SYNDIG1: variants seen among roughly 807,000 people sequenced by gnomAD.
SYNDIG1 encodes the protein synapse differentiation-inducing gene protein 1.
Under a neutral mutation model 19.4 loss-of-function variants are expected in SYNDIG1, and 9 were observed. The observed-to-expected ratio is 0.46, with a 90% confidence interval of 0.28 to 0.81. The LOEUF is 0.81. SYNDIG1 is among the 30% of genes least tolerant of loss of function. The pLI is 0.12. For missense variants in SYNDIG1, 311 were observed against 343.3 expected (o/e 0.91, Z 0.74); for synonymous variants, 141 against 145.9 (o/e 0.97, Z 0.24).
chr20:24,661,989 G>T (rs2059609019), intron 3 of SYNDIG1, among the ~76,000 whole-genome samples: 1 of 152,024 alleles, frequency 6.6e-6, no homozygotes, highest in African/African-American at 2.4e-5. Flanking sequence ...TCCACAAACT[G>T]GTCATTTCTC....
chr20:24,489,432 G>T (rs1600412667), intron 1 of SYNDIG1, among the ~76,000 whole-genome samples: 1 of 150,846 alleles, frequency 6.6e-6, no homozygotes, highest in Non-Finnish European at 1.5e-5. Flanking sequence ...CAGACACATA[G>T]ATACATGCAC....
intron 1 of SYNDIG1, among the ~76,000 whole-genome samples, chr20:24,521,088 G>A (rs1019379477): frequency 9.9e-5 from 15 of 152,160 alleles, no homozygotes; most frequent in African/African-American, 2.9e-4. Context: ...TGTGACTGGC[G>A]TATTTCACTT....
chr20:24,472,907 T>C (rs561180911), intron 1 of SYNDIG1, among the ~76,000 whole-genome samples: 17 of 152,364 alleles, frequency 1.1e-4, no homozygotes, highest in Admixed American at 3.9e-4. Flanking sequence ...AGTTAACCTT[T>C]TGTAAGATGA....
intron 3 of SYNDIG1, among the ~76,000 whole-genome samples, chr20:24,610,388 C>A (rs538751336): frequency 6.6e-6 from 1 of 152,288 alleles, no homozygotes; most frequent in African/African-American, 2.4e-5. Flanking sequence ...TGTGTCCACG[C>A]AACGATTCCG....
chr20:24,578,171 G>T (rs573441831), intron 2 of SYNDIG1, among the ~76,000 whole-genome samples: 2 of 152,228 alleles, frequency 1.3e-5, no homozygotes, highest in African/African-American at 4.8e-5. Context: ...GGATGGGCAT[G>T]ATGGCTCACG....
intron 2 of SYNDIG1, among the ~76,000 whole-genome samples, chr20:24,544,164 AC>A (rs1238650986): frequency 1.3e-5 from 2 of 152,234 alleles, no homozygotes; most frequent in African/African-American, 4.8e-5. Flanking sequence ...CATTTGAATT[AC>A]ATGCACAGAG....
At position 24,491,066 on chromosome 20, in the gene SYNDIG1, G is replaced by T. The variant is rs145082589; in HGVS notation, c.-79+21313G>T. ...GGTCGGCCTTTGAGGTCCAGGGTCAGGAAAGGACAGGCGCCATGGCGTGCA... is the reference window on the plus strand; with the variant it reads ...GGTCGGCCTTTGAGGTCCAGGGTCATGAAAGGACAGGCGCCATGGCGTGCA... On this transcript the variant is annotated intron_variant, in intron 1 of 3. Coordinates refer to ENST00000376862, the MANE Select transcript of SYNDIG1 (RefSeq NM_024893.3). 9.0e-3 allele frequency among the ~76,000 whole-genome samples: 1,369 copies of T among 152,316 alleles called. 19 individuals are homozygous for T. The highest frequency in any genetic ancestry group is 0.029 in the African/African-American group (1,216 of 41,550).
chr20:24,663,093 T>C (rs2059617928), intron 3 of SYNDIG1, among the ~76,000 whole-genome samples: 2 of 152,154 alleles, frequency 1.3e-5, no homozygotes, highest in Admixed American at 6.5e-5. Flanking sequence ...TTAGACCACG[T>C]TGTGTGTTTT....
At chr20:24,529,894 G>GGTGTCAGTGGTGGGGAT in intron 1 of SYNDIG1, among the ~76,000 whole-genome samples, 1 of 3,566 alleles carries the variant, frequency 2.8e-4, no homozygotes, top group South Asian at 7.8e-3. Context: ...ATGGTGGTGA[G>GGTGTCAGTGGTGGGGAT]GGTGATGGTA....
At chr20:24,518,520 T>G (rs766455659) in intron 1 of SYNDIG1, among the ~76,000 whole-genome samples, 2 of 152,214 alleles carry the variant, frequency 1.3e-5, no homozygotes, top group Non-Finnish European at 2.9e-5. Context: ...CCAGCAGGGC[T>G]AAATTGCACT....
intron 1 of SYNDIG1, among the ~76,000 whole-genome samples, chr20:24,484,383 G>C (rs1331533481): frequency 6.6e-6 from 1 of 152,188 alleles, no homozygotes; most frequent in African/African-American, 2.4e-5. Flanking sequence ...CAGCATGGCA[G>C]CCTTGAGGTA....
intron 3 of SYNDIG1, among the ~76,000 whole-genome samples, chr20:24,660,192 T>C (rs183833725): frequency 6.6e-6 from 1 of 152,256 alleles, no homozygotes; most frequent in African/African-American, 2.4e-5. Flanking sequence ...TGAACATTCC[T>C]ACAGATGTGT....
chr20:24,556,215 G>T (rs1302277678), intron 2 of SYNDIG1, among the ~76,000 whole-genome samples: 2 of 152,050 alleles, frequency 1.3e-5, no homozygotes, highest in African/African-American at 4.8e-5. Flanking sequence ...ACGTGAGATG[G>T]GTTTCCTGAA....
At chr20:24,535,411 C>G (rs559709493) in intron 1 of SYNDIG1, among the ~76,000 whole-genome samples, 27 of 152,274 alleles carry the variant, frequency 1.8e-4, no homozygotes, top group African/African-American at 6.3e-4. Context: ...ATTTACAAAT[C>G]AAGAAAAGCT....
intron 2 of SYNDIG1, among the ~76,000 whole-genome samples, chr20:24,547,278 G>T (rs867744240): frequency 1.3e-5 from 2 of 152,244 alleles, no homozygotes; most frequent in Admixed American, 1.3e-4. Context: ...ATTTATGAAG[G>T]AGCCTCTCCA....
intron 1 of SYNDIG1, among the ~76,000 whole-genome samples, chr20:24,470,349 A>C (rs1184419194): frequency 5.3e-5 from 8 of 152,128 alleles, no homozygotes; most frequent in Admixed American, 5.2e-4. Flanking sequence ...GGGATGGGGA[A>C]TCCCGACGGG....
At chr20:24,612,786 G>T (rs895124967) in intron 3 of SYNDIG1, among the ~76,000 whole-genome samples, 1 of 152,222 alleles carries the variant, frequency 6.6e-6, no homozygotes, top group African/African-American at 2.4e-5. Flanking sequence ...GGTCGGAGAG[G>T]CTCCTGGATC....
chr20:24,542,627 G>A (rs2057489760), intron 1 of SYNDIG1, among the ~76,000 whole-genome samples: 1 of 152,180 alleles, frequency 6.6e-6, no homozygotes, highest in Non-Finnish European at 1.5e-5. Flanking sequence ...CATGTACCTG[G>A]GAAGAGCTAA....
intron 3 of SYNDIG1, among the ~76,000 whole-genome samples, chr20:24,654,053 A>G (rs924302800): frequency 2.0e-5 from 3 of 152,244 alleles, no homozygotes; most frequent in African/African-American, 7.2e-5. Flanking sequence ...GTCCTCAGAG[A>G]AAAGACCAAT....
Sources: allele counts gnomAD v4.1 joint callset (sites outside exome capture counted in the v4.1 genomes callset), GRCh38; gene constraint gnomAD v4.1.1; transcripts MANE v1.5; gene names NCBI Gene and HGNC (gene_info 2026-07-23, HGNC 2026-07-21).